Variants in COL6A5 observed in about 807,000 individuals in gnomAD.
The protein encoded by COL6A5 is collagen alpha-5(VI) chain.
In COL6A5, 48 loss-of-function variants were observed where a neutral mutation model predicts 65.6. The observed-to-expected ratio is 0.73, with a 90% confidence interval of 0.58 to 0.93. COL6A5 has a LOEUF of 0.93. COL6A5 is among the 40% of genes least tolerant of loss of function. COL6A5 has a pLI of 0.00. For missense variants in COL6A5, 914 were observed against 928.3 expected (o/e 0.98, Z 0.20); for synonymous variants, 291 against 322.8 (o/e 0.90, Z 1.05).
In COL6A5 at chr3:130,384,688, C is replaced by G. The variant is rs564994975; in HGVS notation, c.1301-116C>G. On this transcript the variant is annotated intron_variant and NMD_transcript_variant, in intron 4 of 41. Coordinates refer to the COL6A5 transcript ENST00000312481. ...TGCTTAATGAAGTGTGCAGGCTCTACGCAAAAACGAAGTCTTCATTCTTTA... is the reference window on the plus strand; with the variant it reads ...TGCTTAATGAAGTGTGCAGGCTCTAGGCAAAAACGAAGTCTTCATTCTTTA... The G allele has an allele frequency of 3.8e-6, 3 of 779,986 alleles. No homozygotes were observed. The South Asian group carries it at 5.7e-5, about 15-fold the overall frequency. 48.3% of individuals were successfully genotyped at this position (779,986 alleles called of 1,614,324 possible).
intron 19 of COL6A5, 32 bp from the exon 20 acceptor site, chr3:130,410,438 CT>C: frequency 1.3e-6 from 2 of 1,516,186 alleles, no homozygotes; most frequent in Non-Finnish European, 1.8e-6. Flanking sequence ...GAATTTTTTC[CT>C]TTTGATCTTG....
chr3:130,469,654 C>G (rs1709902375), intron 6 of COL6A5, among the ~76,000 whole-genome samples, 173 bp downstream of exon 38: 1 of 151,982 alleles, frequency 6.6e-6, no homozygotes, highest in Non-Finnish European at 1.5e-5. Flanking sequence ...TGACCATGAG[C>G]CTTGCTGCTG....
At chr3:130,447,120 T>G (rs1177755917) in intron 4 of COL6A5, among the ~76,000 whole-genome samples, 2 of 152,112 alleles carry the variant, frequency 1.3e-5, no homozygotes, top group African/African-American at 4.8e-5. Flanking sequence ...TACTAACATA[T>G]CCAGCGGTAT....
At chr3:130,388,828 G>A in exon 6 of COL6A5, 1 of 1,551,370 alleles carries the variant, frequency 6.4e-7, no homozygotes, top group Non-Finnish European at 8.7e-7. Context: ...CATCAATGAA[G>A]GCACTTTAAC....
intron 21 of COL6A5, among the ~76,000 whole-genome samples, chr3:130,413,819 A>AT (rs1256857617): frequency 1.6e-4 from 14 of 86,122 alleles, no homozygotes; most frequent in African/African-American, 3.1e-5. Flanking sequence ...AATTCCAAAT[A>AT]TTGTGCATTT....
chr3:130,368,460 G>C (rs1935422871), intron 1 of COL6A5, among the ~76,000 whole-genome samples: 1 of 152,156 alleles, frequency 6.6e-6, no homozygotes, highest in Non-Finnish European at 1.5e-5. Flanking sequence ...GGGACGTTCA[G>C]TGACAAGGAA....
intron 13 of COL6A5, among the ~76,000 whole-genome samples, chr3:130,404,536 G>C (rs1204204971): frequency 1.3e-5 from 2 of 152,130 alleles, no homozygotes; most frequent in South Asian, 4.2e-4. Flanking sequence ...TTTACAAAAT[G>C]ACCACTAAGG....
At chr3:130,460,250 A>G (rs192609094) in intron 5 of COL6A5, among the ~76,000 whole-genome samples, 221 of 152,270 alleles carry the variant, frequency 1.5e-3, no homozygotes, top group African/African-American at 5.2e-3. Flanking sequence ...TTATGAAATC[A>G]TTAAGAAATC....
chr3:130,364,604 G>T (rs368095486), intron 1 of COL6A5, among the ~76,000 whole-genome samples: 8 of 152,326 alleles, frequency 5.3e-5, no homozygotes, highest in African/African-American at 1.4e-4. Flanking sequence ...GGCGGGTCTA[G>T]TTCTGAAGTA....
intron 4 of COL6A5, among the ~76,000 whole-genome samples, chr3:130,454,710 A>T (rs190208818): frequency 6.6e-6 from 1 of 152,168 alleles, no homozygotes; most frequent in South Asian, 2.1e-4. Context: ...GATATGGGTT[A>T]TGTTTTATAT....
At chr3:130,377,635 G>A (rs900583020) in intron 3 of COL6A5, among the ~76,000 whole-genome samples, 2 of 152,186 alleles carry the variant, frequency 1.3e-5, no homozygotes, top group Admixed American at 6.5e-5. Flanking sequence ...ACTTTTAGAG[G>A]TTAGGAGCAA....
At chr3:130,463,550 C>T (rs1172650802) in intron 5 of COL6A5, among the ~76,000 whole-genome samples, 1 of 152,060 alleles carries the variant, frequency 6.6e-6, no homozygotes, top group Non-Finnish European at 1.5e-5. Flanking sequence ...AGGCTACTCT[C>T]TGGGGGTGCT....
Position 130,405,973 on chromosome 3 carries a change from A to T in COL6A5, c.4354-20A>T. On this transcript the variant is annotated intron_variant and NMD_transcript_variant, in intron 14 of 41. Transcript: ENST00000312481. ...ACTCTGTCTTTGATTTGTCAGTGAG[A>T]GATATTTCATCTTTTGCAGGGACTC... The T allele has an allele frequency of 6.4e-7, 1 of 1,550,676 alleles. No individual in the cohort carries two copies. The highest frequency in any genetic ancestry group is 8.7e-7 in the Non-Finnish European group (1 of 1,146,082).
chr3:130,431,754 A>C lies in COL6A5; in HGVS notation c.294A>C (p.Ala98=), dbSNP rs758017705. 8.4e-6 allele frequency: 13 copies of C among 1,551,604 alleles called. No individual in the cohort carries two copies. In the South Asian group the frequency reaches 1.2e-4, roughly 14 times the overall value. ...CAGAGCCCCGAGATGTTGGTAATGC[A>C]ATGAGGTTTGTGACCCGCAACGTGT... is the stretch of plus-strand genomic sequence containing the variant. The change falls in exon 1 of 8, where the codon GCA becomes GCC. Residue 98 remains alanine (A), a synonymous_variant. Coordinates refer to ENST00000512836, the Ensembl canonical transcript of COL6A5.
At chr3:130,388,277 A>C (rs1936267964) in intron 5 of COL6A5, among the ~76,000 whole-genome samples, 1 of 152,054 alleles carries the variant, frequency 6.6e-6, no homozygotes, top group South Asian at 2.1e-4. Context: ...ACATGGCTGG[A>C]TGCCTGGCAT....
At position 130,397,915 on chromosome 3, in the gene COL6A5, C is replaced by T. The variant is rs867006064; in HGVS notation, c.3901C>T (p.Arg1301Trp). ...CACATTTAAGGATAAATCTGCATCC[C>T]GGGGCCAGGTATCCATATTACATTC... Residue 1301 changes from arginine (R) to tryptophan (W), a missense_variant and NMD_transcript_variant, in exon 9 of 42, where the codon CGG becomes TGG. Coordinates refer to the COL6A5 transcript ENST00000312481. The T allele has an allele frequency of 2.1e-5, 32 of 1,550,184 alleles. No homozygotes were observed. Among genetic ancestry groups the T allele is most frequent in the Admixed American group, 9.8e-5 (5 of 50,964 alleles).
At chr3:130,412,876 C>T (rs767883336) in intron 20 of COL6A5, among the ~76,000 whole-genome samples, 1 of 152,080 alleles carries the variant, frequency 6.6e-6, no homozygotes, top group African/African-American at 2.4e-5. Context: ...ATTTCCATGG[C>T]TACATTTCTG....
intron 1 of COL6A5, among the ~76,000 whole-genome samples, chr3:130,354,230 C>G (rs927251997): frequency 6.6e-6 from 1 of 152,114 alleles, no homozygotes; most frequent in African/African-American, 2.4e-5. Flanking sequence ...TATAAATTGT[C>G]TCAGCAACAT....
chr3:130,469,623 A>G (rs1381774522), intron 6 of COL6A5, 142 bp downstream of exon 38: 6 of 739,624 alleles, frequency 8.1e-6, no homozygotes, highest in East Asian at 2.7e-5. Context: ...AAAAAATCTC[A>G]GAGAAAATTC....
Sources: gnomAD v4.1 joint callset for allele counts (sites outside exome capture counted in the v4.1 genomes callset) on GRCh38, gnomAD v4.1.1 for gene constraint, MANE v1.5 for transcripts, NCBI Gene and HGNC (gene_info 2026-07-23, HGNC 2026-07-21) for gene names.